IFT52: variants seen among roughly 807,000 people sequenced by gnomAD.
IFT52 encodes intraflagellar transport 52, also known as intraflagellar transport protein 52 homolog.
In IFT52, 44 loss-of-function variants were observed where a neutral mutation model predicts 54.4. The ratio of observed to expected loss-of-function variants is 0.81; its 90% CI spans 0.63 to 1.04. The LOEUF (loss-of-function observed/expected upper bound fraction) is 1.04. IFT52 is among the 50% of genes least tolerant of loss of function. IFT52 has a pLI of 0.00. For synonymous variants in IFT52, 181 were observed against 185.3 expected, an observed-to-expected ratio of 0.98 and a Z score of 0.19; for missense variants, 452 against 523.6, an observed-to-expected ratio of 0.86 and a Z score of 1.33.
At chr20:43,624,731 G>A (rs1984592897) in intron 10 of IFT52, among the ~76,000 whole-genome samples, 2 of 152,286 alleles carry the variant, frequency 1.3e-5, no homozygotes, top group South Asian at 2.1e-4. Context: ...AGGCAAAGGA[G>A]GAGGAAATGA....
chr20:43,641,389 C>T (rs1337622225), intron 12 of IFT52, among the ~76,000 whole-genome samples: 1 of 152,010 alleles, frequency 6.6e-6, no homozygotes. Context: ...TAGGCATGCA[C>T]CACCACGCCC....
intron 9 of IFT52, among the ~76,000 whole-genome samples, chr20:43,622,632 A>G (rs983945806): frequency 1.4e-5 from 2 of 147,714 alleles, no homozygotes; most frequent in Admixed American, 6.8e-5. Context: ...ACATATATAT[A>G]TTCTATATTT....
At chr20:43,599,799 T>G (rs960177875) in intron 3 of IFT52, among the ~76,000 whole-genome samples, 1 of 152,190 alleles carries the variant, frequency 6.6e-6, no homozygotes, top group Non-Finnish European at 1.5e-5. Flanking sequence ...TCAACTACAT[T>G]GACGCATTAC....
At chr20:43,636,738 G>A (rs946596176) in intron 11 of IFT52, among the ~76,000 whole-genome samples, 1 of 152,188 alleles carries the variant, frequency 6.6e-6, no homozygotes, top group African/African-American at 2.4e-5. Context: ...GAAACAAGTT[G>A]TACAATCAAA....
At chr20:43,613,356 CACTT>C (rs1983602963) in intron 6 of IFT52, among the ~76,000 whole-genome samples, 1 of 152,252 alleles carries the variant, frequency 6.6e-6, no homozygotes, top group African/African-American at 2.4e-5. Context: ...CAGTTACAGT[CACTT>C]ACACTTTCCT....
chr20:43,638,351 T>C (rs1380292427), intron 12 of IFT52, among the ~76,000 whole-genome samples: 3 of 151,986 alleles, frequency 2.0e-5, no homozygotes, highest in Non-Finnish European at 2.9e-5. Flanking sequence ...CCGCCACGCA[T>C]GGCTAATTTT....
chr20:43,626,022 GAAAA>G (rs11403788), intron 10 of IFT52, among the ~76,000 whole-genome samples: 1 of 96,688 alleles, frequency 1.0e-5, no homozygotes, highest in Non-Finnish European at 1.9e-5. Context: ...CTTGTCTCCG[GAAAA>G]AAAAAAAAAA....
At chr20:43,629,389 C>T (rs936791143) in intron 10 of IFT52, among the ~76,000 whole-genome samples, 2 of 151,990 alleles carry the variant, frequency 1.3e-5, no homozygotes, top group African/African-American at 2.4e-5. Flanking sequence ...TCGTCGGCCT[C>T]AGCCTCCCCA....
At chr20:43,642,777 T>TTA (rs1216832966) in intron 13 of IFT52, among the ~76,000 whole-genome samples, 153 bp downstream of exon 13, 1 of 152,194 alleles carries the variant, frequency 6.6e-6, no homozygotes, top group Non-Finnish European at 1.5e-5. Flanking sequence ...AACCCTGTAC[T>TTA]TATGGAACCT....
intron 6 of IFT52, among the ~76,000 whole-genome samples, chr20:43,610,710 G>C (rs1054025531): frequency 1.3e-5 from 2 of 151,298 alleles, no homozygotes; most frequent in Non-Finnish European, 2.9e-5. Flanking sequence ...CCGCAATCTA[G>C]CCTGGGCGAC....
At chr20:43,615,632 C>T (rs988307578) in intron 7 of IFT52, among the ~76,000 whole-genome samples, 3 of 151,772 alleles carry the variant, frequency 2.0e-5, no homozygotes, top group African/African-American at 4.8e-5. Flanking sequence ...GATGAAACCC[C>T]GTCTCTACTA....
Position 43,642,609 on chromosome 20 carries a change from C to G in IFT52, c.1251C>G (p.Phe417Leu), listed in dbSNP as rs1344661023. The G allele has an allele frequency of 1.2e-6, 2 of 1,613,932 alleles. No individual in the cohort carries two copies. Among genetic ancestry groups the G allele is most frequent in the Non-Finnish European group, 1.7e-6 (2 of 1,179,974 alleles). ...ACGTCTTCTTCCAAGTGGTGGAGTT[C>G]AAGAAATTGAACCAGGTACAGAGCC... ...LEHVFFQVVE[F>L]KKLNQEHDID... Residue 417 changes from phenylalanine (F) to leucine (L), a missense_variant, in exon 13 of 14, where the codon TTC becomes TTG. Transcript: ENST00000373030.
Position 43,591,032 on chromosome 20 carries a change from G to C in IFT52, c.-29G>C, listed in dbSNP as rs558488330. On this transcript the variant is annotated 5_prime_UTR_variant, in exon 1 of 14. The change abolishes the stop of an existing upstream ORF in the 5' untranslated region. Coordinates refer to ENST00000373030, the MANE Select transcript of IFT52 (RefSeq NM_016004.5). ...CGCGGGATGCTGGGCGGCGTCAGGT[G>C]AGCGGTGGTCGCTGGGCCTCAGGTA... The C allele has an allele frequency of 6.6e-6, 1 of 152,318 alleles. No homozygotes were observed. The highest frequency in any genetic ancestry group is 1.5e-5 in the Non-Finnish European group (1 of 68,088). 9.4% of individuals were successfully genotyped at this position (152,318 alleles called of 1,614,324 possible). A position where few individuals can be genotyped will look rare whatever the true frequency, so the allele number is the denominator to read the frequency against.
At chr20:43,636,750 G>T (rs1985564028) in intron 11 of IFT52, among the ~76,000 whole-genome samples, 1 of 152,144 alleles carries the variant, frequency 6.6e-6, no homozygotes, top group Admixed American at 6.5e-5. Flanking sequence ...ACAATCAAAT[G>T]TTCAACACAA....
chr20:43,624,676 T>G (rs1460678923), intron 10 of IFT52, among the ~76,000 whole-genome samples: 1 of 151,920 alleles, frequency 6.6e-6, no homozygotes, highest in Non-Finnish European at 1.5e-5. Flanking sequence ...AGACAGAAGC[T>G]GGGGAAAAGC....
intron 6 of IFT52, among the ~76,000 whole-genome samples, chr20:43,612,451 C>T (rs977284312): frequency 5.3e-5 from 8 of 151,850 alleles, no homozygotes; most frequent in Non-Finnish European, 7.4e-5. Flanking sequence ...CCAGCACTTT[C>T]GGAGGTCAAG....
rs766625324 is a variant in IFT52 at position 43,603,903 on chromosome 20, T to C, written c.337+14T>C. On this transcript the variant is annotated intron_variant, in intron 4 of 13. Transcript: ENST00000373030. Reference sequence around the variant, plus strand: ...TGGTTAATAATGGTAATTAGTATTATTATTTTCAGTAGAGGCAGTACTTTT... The same window carrying C: ...TGGTTAATAATGGTAATTAGTATTACTATTTTCAGTAGAGGCAGTACTTTT... The C allele has an allele frequency of 4.3e-6, 6 of 1,400,402 alleles. No individual in the cohort carries two copies. Among genetic ancestry groups the C allele is most frequent in the African/African-American group, 2.9e-5 (2 of 69,682 alleles). The allele number at this position is 1,400,402 out of a possible 1,614,324, so 86.7% of individuals were successfully genotyped here.
In IFT52 at chr20:43,647,066, A is replaced by G. The variant is rs982456270; in HGVS notation, c.*83A>G. 1 of 1,218,634 alleles carries G rather than the reference A, an allele frequency of 8.2e-7. No individual in the cohort carries two copies. Among genetic ancestry groups the G allele is most frequent in the Non-Finnish European group, 1.2e-6 (1 of 821,860 alleles). 75.5% of individuals were successfully genotyped at this position (1,218,634 alleles called of 1,614,324 possible). On this transcript the variant is annotated 3_prime_UTR_variant, in exon 14 of 14. Coordinates refer to ENST00000373030, the MANE Select transcript of IFT52 (RefSeq NM_016004.5). The stretch of plus-strand genomic sequence containing the variant: ...CAAATTGTTTTTCAACTCCTTATCA[A>G]AATTGTTTATACACTCTTTCCTCCA...
chr20:43,642,624 G>C lies in IFT52; in HGVS notation c.1266G>C (p.Gln422His), dbSNP rs770022488. 2 of 1,613,940 alleles carry C rather than the reference G, an allele frequency of 1.2e-6. No individual in the cohort carries two copies. Among genetic ancestry groups the C allele is most frequent in the South Asian group, 1.1e-5 (1 of 91,044 alleles). ...FQVVEFKKLN[Q>H]EHDIDTSETA... ...TGGTGGAGTTCAAGAAATTGAACCA[G>C]GTACAGAGCCTACAAGGCACAGTGT... Residue 422 changes from glutamine to histidine, a missense_variant and splice_region_variant, in exon 13 of 14, where the codon CAG (glutamine) becomes CAC (histidine). By Grantham distance (24) the Gln-to-His change is conservative. Coordinates refer to ENST00000373030, the MANE Select transcript of IFT52 (RefSeq NM_016004.5).
Sources: gnomAD v4.1 joint callset for allele counts (sites outside exome capture counted in the v4.1 genomes callset) on GRCh38, gnomAD v4.1.1 for gene constraint, MANE v1.5 for transcripts, NCBI Gene and HGNC (gene_info 2026-07-23, HGNC 2026-07-21) for gene names.